The following SLAMF1 variants were observed in gnomAD, a reference collection of about 807,000 sequenced individuals.
SLAMF1 encodes the protein signaling lymphocytic activation molecule.
In SLAMF1, 18 loss-of-function variants were observed where a neutral mutation model predicts 35.1. The ratio of observed to expected loss-of-function variants is 0.51; its 90% confidence interval spans 0.35 to 0.76. The LOEUF (loss-of-function observed/expected upper bound fraction) is 0.76, where lower values mean the gene tolerates loss of function less well. Ranked by LOEUF, SLAMF1 falls within the 30% of genes least tolerant of loss-of-function variation. The pLI is 0.01. For missense variants in SLAMF1, 392 were observed against 413.0 expected (o/e 0.95, Z 0.44); for synonymous variants, 168 against 157.2 (o/e 1.07, Z -0.51).
At chr1:160,640,461 AAAG>A (rs1660692926) in intron 1 of SLAMF1, among the ~76,000 whole-genome samples, 2 of 151,250 alleles carry the variant, frequency 1.3e-5, no homozygotes, top group South Asian at 4.2e-4. Context: ...AGTGTTCATA[AAAG>A]AAGGAGCCCA....
At chr1:160,619,040 A>G (rs1400187810) in intron 5 of SLAMF1, among the ~76,000 whole-genome samples, 2 of 152,176 alleles carry the variant, frequency 1.3e-5, no homozygotes, top group Non-Finnish European at 2.9e-5. Context: ...AGGTACTATC[A>G]AAACCATCTT....
chr1:160,620,231 A>T (rs1659537363), intron 4 of SLAMF1, among the ~76,000 whole-genome samples: 2 of 152,110 alleles, frequency 1.3e-5, no homozygotes, highest in East Asian at 3.9e-4. Flanking sequence ...CTGGTCTCCT[A>T]ATAGGATTCT....
Position 160,609,594 on chromosome 1 carries a change from T to C in SLAMF1, c.*1154A>G, listed in dbSNP as rs1658872456. 2 of 152,200 alleles carry C rather than the reference T, an allele frequency of 1.3e-5. No individual in the cohort carries two copies. The highest frequency in any genetic ancestry group is 2.9e-5 in the Non-Finnish European group (2 of 68,030). The allele number at this position is 152,200 out of a possible 1,614,324, so 9.4% of individuals were successfully genotyped here. On this transcript the variant is annotated 3_prime_UTR_variant, in exon 7 of 7. Transcript: ENST00000302035. The stretch of plus-strand genomic sequence containing the variant: ...ACAATAAGAAAAAGCAGGGCTTAAA[T>C]TGAGGACAGCCTGTCTAAAAGCAGA...
At chr1:160,631,589 G>C (rs558176165) in intron 3 of SLAMF1, among the ~76,000 whole-genome samples, 116 of 152,202 alleles carry the variant, frequency 7.6e-4, no homozygotes, top group African/African-American at 2.8e-3. Flanking sequence ...AGGTCATTAG[G>C]GTGGCCCCTA....
At chr1:160,612,689 T>C in intron 5 of SLAMF1, 109 bp from the exon 6 acceptor site, 1 of 655,404 alleles carries the variant, frequency 1.5e-6, no homozygotes, top group South Asian at 1.8e-5. Flanking sequence ...AGAAAGTTCC[T>C]TCCAGTCATT....
chr1:160,624,416 T>C (rs1050877839), intron 3 of SLAMF1, among the ~76,000 whole-genome samples: 2 of 152,196 alleles, frequency 1.3e-5, no homozygotes, highest in Admixed American at 6.5e-5. Flanking sequence ...TTCATGAAGA[T>C]TTTTCTATCC....
intron 3 of SLAMF1, among the ~76,000 whole-genome samples, chr1:160,629,792 G>T (rs1273963017): frequency 3.3e-5 from 5 of 152,210 alleles, no homozygotes; most frequent in Non-Finnish European, 5.9e-5. Context: ...TATAGCGGGT[G>T]TGGCCCATGA....
intron 3 of SLAMF1, among the ~76,000 whole-genome samples, chr1:160,631,263 A>G (rs561080316): frequency 6.6e-6 from 1 of 152,222 alleles, no homozygotes; most frequent in Non-Finnish European, 1.5e-5. Flanking sequence ...GCAGGCCACA[A>G]ACCAGCTGTG....
chr1:160,626,403 C>G (rs777094108), intron 3 of SLAMF1, among the ~76,000 whole-genome samples: 2 of 152,196 alleles, frequency 1.3e-5, no homozygotes, highest in Non-Finnish European at 2.9e-5. Flanking sequence ...TGAAAGCAAT[C>G]TGCTACCTTT....
chr1:160,629,255 G>C (rs552537940), intron 3 of SLAMF1, among the ~76,000 whole-genome samples: 1 of 151,714 alleles, frequency 6.6e-6, no homozygotes, highest in African/African-American at 2.4e-5. Context: ...GCCAGAGGGC[G>C]TTTTTTTTCT....
At chr1:160,639,499 T>G (rs897830378) in intron 1 of SLAMF1, among the ~76,000 whole-genome samples, 1 of 152,208 alleles carries the variant, frequency 6.6e-6, no homozygotes, top group African/African-American at 2.4e-5. Flanking sequence ...AGTGCTGGGA[T>G]TACAGGCATG....
intron 4 of SLAMF1, among the ~76,000 whole-genome samples, chr1:160,620,073 C>A (rs934615233): frequency 6.6e-6 from 1 of 152,188 alleles, no homozygotes; most frequent in Non-Finnish European, 1.5e-5. Flanking sequence ...ACCTGCCTCA[C>A]GGGGCTGTTG....
intron 1 of SLAMF1, among the ~76,000 whole-genome samples, chr1:160,644,422 A>C (rs1168738969): frequency 2.0e-5 from 3 of 152,238 alleles, no homozygotes; most frequent in Non-Finnish European, 2.9e-5. Flanking sequence ...GGTTGGTGTG[A>C]AAATGAAATG....
Position 160,642,911 on chromosome 1 carries a change from G to A in SLAMF1, c.76+3959C>T, listed in dbSNP as rs185814579. 6.0e-4 allele frequency among the ~76,000 whole-genome samples: 92 copies of A among 152,160 alleles called. No individual in the cohort carries two copies. Among genetic ancestry groups the A allele is most frequent in the Middle Eastern group, 3.4e-3 (1 of 294 alleles). ...AAGTTCCATAAAAATCAAGCCCATC[G>A]GACCCATTTATTTGGGGCTAAGTTT... On this transcript the variant is annotated intron_variant, in intron 1 of 6. Coordinates refer to ENST00000302035, the MANE Select transcript of SLAMF1 (RefSeq NM_003037.5). This position sits in a 1 kb window ranked among gnomAD's most constrained non-coding sequence, Gnocchi z 4.2.
intron 3 of SLAMF1, among the ~76,000 whole-genome samples, chr1:160,627,306 C>T (rs956374869): frequency 6.6e-6 from 1 of 152,240 alleles, no homozygotes; most frequent in Non-Finnish European, 1.5e-5. Context: ...TTCTGCTAGC[C>T]TCAATTCTCC....
intron 4 of SLAMF1, among the ~76,000 whole-genome samples, chr1:160,621,385 C>A (rs532887159): frequency 6.6e-6 from 1 of 151,912 alleles, no homozygotes; most frequent in East Asian, 1.9e-4. Context: ...ATGGGGAAAC[C>A]CTGTCTCTAC....
chr1:160,633,741 A>T (rs76438000), intron 3 of SLAMF1, among the ~76,000 whole-genome samples: 14 of 152,220 alleles, frequency 9.2e-5, no homozygotes, highest in Non-Finnish European at 1.3e-4. Context: ...TTACTTAGTA[A>T]GTTCTGTCTT....
rs1659269845 is a variant in SLAMF1 at position 160,615,824 on chromosome 1, G to A, written c.865-3244C>T. ...GAGAGGGAGGTCATGTGAAGATGAA[G>A]GCAAAAATTGCAGATACACAACTAC... On this transcript the variant is annotated intron_variant, in intron 5 of 6. Transcript: ENST00000302035. The A allele has an allele frequency of 1.7e-5, 4 of 232,878 alleles. No homozygotes were observed. In the South Asian group the frequency reaches 1.9e-4, roughly 11 times the overall value. 14.4% of individuals were successfully genotyped at this position (232,878 alleles called of 1,614,324 possible). A position where few individuals can be genotyped will look rare whatever the true frequency, so the allele number is the denominator to read the frequency against.
rs1553242561 is a variant in SLAMF1, at chr1:160,640,373, C to CACACAT, written c.77-2845_77-2844insATGTGT. Reference sequence around the variant, plus strand: ...ATATATATATATACACACACACACACACATATATATATATACACACACACA... The same window carrying CACACAT: ...ATATATATATATACACACACACACACACACATACATATATATATATACACACACACA... On this transcript the variant is annotated intron_variant, in intron 1 of 6. Coordinates refer to ENST00000302035, the MANE Select transcript of SLAMF1 (RefSeq NM_003037.5). Among the ~76,000 whole-genome samples, 193 of 134,636 alleles carry CACACAT rather than the reference C, an allele frequency of 1.4e-3. 2 individuals are homozygous for CACACAT. The highest frequency in any genetic ancestry group is 4.7e-3 in the African/African-American group (168 of 35,630). The allele number at this position is 134,636 out of a possible 152,430, so 88.3% of individuals were successfully genotyped here. A position where few individuals can be genotyped will look rare whatever the true frequency, so the allele number is the denominator to read the frequency against.
Sources: gnomAD v4.1 joint callset for allele counts (sites outside exome capture counted in the v4.1 genomes callset) on GRCh38, gnomAD v4.1.1 for gene constraint, Gnocchi (gnomAD v3.1) non-coding constraint, MANE v1.5 for transcripts, NCBI Gene and HGNC (gene_info 2026-07-23, HGNC 2026-07-21) for gene names.